Variants in SH3GL2 observed in about 807,000 individuals in gnomAD.
SH3GL2 encodes SH3 domain containing GRB2 like 2, endophilin A1, also known as endophilin-A1.
SH3GL2 carries 24 observed loss-of-function variants against 46.0 expected under a neutral mutation model. That is an observed-to-expected ratio of 0.52 (90% CI 0.38 to 0.73). The LOEUF is 0.73. Among genes scored for constraint, SH3GL2 ranks in the 30% least tolerant of loss-of-function variants. The pLI, the probability that SH3GL2 is intolerant of heterozygous loss-of-function variation, is 0.00. For missense variants in SH3GL2, 413 were observed against 424.2 expected (o/e 0.97, Z 0.23); for synonymous variants, 196 against 147.1 (o/e 1.33, Z -2.40).
intron 1 of SH3GL2, among the ~76,000 whole-genome samples, chr9:17,622,984 T>TTCCTTTCCTTTC: frequency 1.3e-5 from 1 of 75,724 alleles, no homozygotes; most frequent in Admixed American, 1.2e-4. Context: ...TCGTTTCCTT[T>TTCCTTTCCTTTC]CGTTTCCTTT....
intron 2 of SH3GL2, among the ~76,000 whole-genome samples, chr9:17,759,917 A>G (rs1002040989): frequency 1.3e-5 from 2 of 152,212 alleles, no homozygotes; most frequent in Admixed American, 6.5e-5. Flanking sequence ...TCTATCACAC[A>G]TGTACCATGG....
chr9:17,734,409 G>A (rs1822266648), intron 1 of SH3GL2, among the ~76,000 whole-genome samples: 1 of 152,054 alleles, frequency 6.6e-6, no homozygotes, highest in African/African-American at 2.4e-5. Flanking sequence ...AATTGACAAA[G>A]CACTTACTCA....
intron 1 of SH3GL2, among the ~76,000 whole-genome samples, chr9:17,615,786 G>T (rs752745810): frequency 6.7e-6 from 1 of 148,456 alleles, no homozygotes; most frequent in Non-Finnish European, 1.5e-5. Context: ...ACATAATTCT[G>T]TATTTATTTT....
At chr9:17,795,088 C>G (rs1304613865) in intron 8 of SH3GL2, among the ~76,000 whole-genome samples, 1 of 152,158 alleles carries the variant, frequency 6.6e-6, no homozygotes, top group African/African-American at 2.4e-5. Context: ...AAAGCATTCT[C>G]CATGTAATTC....
chr9:17,694,564 CA>C (rs1446078597), intron 1 of SH3GL2, among the ~76,000 whole-genome samples: 1 of 152,086 alleles, frequency 6.6e-6, no homozygotes, highest in Admixed American at 6.6e-5. Context: ...TATAAAATGT[CA>C]TTATTTTTCC....
At chr9:17,769,533 T>C (rs1308054305) in intron 3 of SH3GL2, among the ~76,000 whole-genome samples, 1 of 152,050 alleles carries the variant, frequency 6.6e-6, no homozygotes, top group Non-Finnish European at 1.5e-5. Context: ...CTCGGGGTCT[T>C]TGCACAGGTG....
intron 1 of SH3GL2, among the ~76,000 whole-genome samples, chr9:17,626,466 T>G (rs1384372910): frequency 6.6e-6 from 1 of 152,234 alleles, no homozygotes; most frequent in East Asian, 1.9e-4. Context: ...TATTTCCTGC[T>G]CTGTTTTTGA....
chr9:17,676,864 T>C (rs1820625669), intron 1 of SH3GL2, among the ~76,000 whole-genome samples: 2 of 152,180 alleles, frequency 1.3e-5, no homozygotes, highest in Admixed American at 6.5e-5. Context: ...GTCCTTTTTA[T>C]CTTTTTATAT....
At chr9:17,661,867 T>G (rs1022759243) in intron 1 of SH3GL2, among the ~76,000 whole-genome samples, 2 of 152,210 alleles carry the variant, frequency 1.3e-5, no homozygotes, top group Non-Finnish European at 2.9e-5. Context: ...TGAGCCTCAC[T>G]TTCATTGAAT....
intron 1 of SH3GL2, among the ~76,000 whole-genome samples, chr9:17,746,408 G>A (rs1032725589): frequency 1.3e-5 from 2 of 152,156 alleles, no homozygotes; most frequent in African/African-American, 4.8e-5. Context: ...TTTACATGTG[G>A]TTAGTGACTG....
chr9:17,723,718 A>G (rs77952407), intron 1 of SH3GL2, among the ~76,000 whole-genome samples: 3 of 152,142 alleles, frequency 2.0e-5, no homozygotes, highest in African/African-American at 7.2e-5. Context: ...GATTTCTGCT[A>G]CCTATGAAGA....
intron 1 of SH3GL2, among the ~76,000 whole-genome samples, chr9:17,676,656 C>A (rs946259710): frequency 6.6e-6 from 1 of 152,138 alleles, no homozygotes; most frequent in African/African-American, 2.4e-5. Context: ...ACATATTCTT[C>A]TTTAATACAT....
At chr9:17,629,316 A>G (rs1281435630) in intron 1 of SH3GL2, among the ~76,000 whole-genome samples, 1 of 152,158 alleles carries the variant, frequency 6.6e-6, no homozygotes, top group Non-Finnish European at 1.5e-5. Flanking sequence ...GTGTGCAAGT[A>G]TTTTTCCTAA....
At chr9:17,748,792 C>G (rs1256679570) in intron 2 of SH3GL2, among the ~76,000 whole-genome samples, 1 of 152,012 alleles carries the variant, frequency 6.6e-6, no homozygotes, top group African/African-American at 2.4e-5. Flanking sequence ...TACAGAAGCC[C>G]AGCACAGAGG....
At chr9:17,613,702 T>C (rs867471753) in intron 1 of SH3GL2, among the ~76,000 whole-genome samples, 3 of 152,238 alleles carry the variant, frequency 2.0e-5, no homozygotes, top group Non-Finnish European at 2.9e-5. Context: ...CATTTTATAA[T>C]GCTCATTATG....
intron 2 of SH3GL2, among the ~76,000 whole-genome samples, chr9:17,759,835 A>G (rs1482278958): frequency 6.6e-6 from 1 of 152,148 alleles, no homozygotes; most frequent in Non-Finnish European, 1.5e-5. Flanking sequence ...TAACTACAGG[A>G]TATTTAGACA....
intron 1 of SH3GL2, among the ~76,000 whole-genome samples, chr9:17,742,102 A>C (rs1390373960): frequency 6.6e-6 from 1 of 152,162 alleles, no homozygotes. Flanking sequence ...GCAGTGTGGG[A>C]GGTATGAATA....
At chr9:17,614,325 C>T (rs1277211014) in intron 1 of SH3GL2, among the ~76,000 whole-genome samples, 4 of 57,128 alleles carry the variant, frequency 7.0e-5, no homozygotes, top group African/African-American at 1.4e-4. Context: ...AAAAAAAAAT[C>T]CTTGCCCCTT....
At chr9:17,673,949 C>A in intron 1 of SH3GL2, among the ~76,000 whole-genome samples, 1 of 152,128 alleles carries the variant, frequency 6.6e-6, no homozygotes, top group East Asian at 1.9e-4. Context: ...TAGATCCTTG[C>A]CCACTTTATT....
Sources: gnomAD v4.1 joint callset for allele counts (sites outside exome capture counted in the v4.1 genomes callset) on GRCh38, gnomAD v4.1.1 for gene constraint, MANE v1.5 for transcripts, NCBI Gene and HGNC (gene_info 2026-07-23, HGNC 2026-07-21) for gene names.